RBFOX1: variants seen among roughly 807,000 people sequenced by gnomAD.
The protein encoded by RBFOX1 is RNA binding fox-1 homolog 1, also known as RNA binding protein fox-1 homolog 1.
In RBFOX1, 8 loss-of-function variants were observed where a neutral mutation model predicts 57.7. The observed-to-expected ratio is 0.14, with a 90% CI of 0.08 to 0.25. RBFOX1 has a LOEUF of 0.25. RBFOX1 is among the 10% of genes least tolerant of loss of function. The pLI is 1.00. For synonymous variants in RBFOX1, 326 were observed against 222.4 expected (o/e 1.47, Z -4.15); for missense variants, 611 against 548.5 (o/e 1.11, Z -1.14).
At chr16:5,856,665 C>T (rs1326714830) in intron 3 of RBFOX1, among the ~76,000 whole-genome samples, 1 of 145,110 alleles carries the variant, frequency 6.9e-6, no homozygotes, top group Non-Finnish European at 1.5e-5. Context: ...CTTCACCTTG[C>T]ATTTTTATGT....
intron 2 of RBFOX1, among the ~76,000 whole-genome samples, chr16:6,640,088 A>G (rs1401520521): frequency 6.6e-6 from 1 of 152,128 alleles, no homozygotes; most frequent in East Asian, 1.9e-4. Flanking sequence ...ATAAATATTA[A>G]GTGGTAGAGT....
intron 4 of RBFOX1, among the ~76,000 whole-genome samples, chr16:7,373,819 A>G (rs1421126878): frequency 6.6e-6 from 1 of 152,170 alleles, no homozygotes; most frequent in African/African-American, 2.4e-5. Context: ...AACTTTTTTC[A>G]AGAAGATGGA....
At chr16:7,133,202 G>T (rs1217217373) in intron 4 of RBFOX1, among the ~76,000 whole-genome samples, 1 of 152,134 alleles carries the variant, frequency 6.6e-6, no homozygotes, top group African/African-American at 2.4e-5. Context: ...AAGAGGGAAA[G>T]AGAAAACATA....
chr16:5,986,612 T>C (rs1019984244), intron 4 of RBFOX1, among the ~76,000 whole-genome samples: 2 of 152,342 alleles, frequency 1.3e-5, no homozygotes, highest in African/African-American at 4.8e-5. Context: ...ATTCCTAAAA[T>C]GTTATATACA....
chr16:5,831,774 T>A (rs1438343050), intron 3 of RBFOX1, among the ~76,000 whole-genome samples: 1 of 152,098 alleles, frequency 6.6e-6, no homozygotes, highest in African/African-American at 2.4e-5. Flanking sequence ...TGTCAAGTAT[T>A]CCTTTTTAGC....
chr16:5,811,862 G>A (rs1266630298), intron 3 of RBFOX1, among the ~76,000 whole-genome samples: 2 of 152,136 alleles, frequency 1.3e-5, no homozygotes, highest in Non-Finnish European at 2.9e-5. Context: ...AGTCATGTAG[G>A]CGTTACCACA....
chr16:6,858,814 C>T (rs1245905851), intron 3 of RBFOX1, among the ~76,000 whole-genome samples: 4 of 152,000 alleles, frequency 2.6e-5, no homozygotes, highest in African/African-American at 9.7e-5. Context: ...GCATTCGCCT[C>T]TGCTGGTTAG....
At chr16:6,626,665 C>A (rs567030665) in intron 2 of RBFOX1, among the ~76,000 whole-genome samples, 40 of 152,152 alleles carry the variant, frequency 2.6e-4, no homozygotes, top group African/African-American at 9.4e-4. Context: ...GAGGCTGAGG[C>A]AGGAGAATTG....
At chr16:7,667,339 A>C (rs1477205683) in intron 13 of RBFOX1, among the ~76,000 whole-genome samples, 2 of 152,226 alleles carry the variant, frequency 1.3e-5, no homozygotes, top group Non-Finnish European at 2.9e-5. Context: ...AGTTTAAGAA[A>C]TATAAATATG....
chr16:6,972,747 G>C, intron 3 of RBFOX1, among the ~76,000 whole-genome samples: 1 of 152,076 alleles, frequency 6.6e-6, no homozygotes, highest in East Asian at 1.9e-4. Context: ...GAGACTCCAG[G>C]GGAAACACAA....
At chr16:6,170,149 C>G (rs965570790) in intron 1 of RBFOX1, among the ~76,000 whole-genome samples, 5 of 152,134 alleles carry the variant, frequency 3.3e-5, no homozygotes, top group African/African-American at 1.2e-4. Flanking sequence ...TGCTTTAACA[C>G]AGCTGAATTA....
intron 2 of RBFOX1, among the ~76,000 whole-genome samples, chr16:6,325,993 C>G (rs994659979): frequency 6.6e-6 from 1 of 152,160 alleles, no homozygotes; most frequent in Non-Finnish European, 1.5e-5. Flanking sequence ...AAGGGATGTC[C>G]TCTCCCACTG....
rs1202068255 is a variant in RBFOX1, at chr16:6,256,247, G to GTATATATATATGTGTATATATATGTA, written c.-126-60739_-126-60738insATGTGTATATATATGTATATATATAT. On this transcript the variant is annotated intron_variant, in intron 1 of 15. Coordinates refer to ENST00000550418, the MANE Select transcript of RBFOX1 (RefSeq NM_018723.4). ...TATATATATATGTGTATATATATATGTATATATATGTGTATATATATATGT... is the reference window on the plus strand; with the variant it reads ...TATATATATATGTGTATATATATATGTATATATATATGTGTATATATATGTATATATATATGTGTATATATATATGT... Among the ~76,000 whole-genome samples the GTATATATATATGTGTATATATATGTA allele has an allele frequency of 7.7e-5, 6 of 78,348 alleles. 1 individual carries two copies. The highest frequency in any genetic ancestry group is 3.5e-4 in the African/African-American group (6 of 17,334). 51.4% of individuals were successfully genotyped at this position (78,348 alleles called of 152,430 possible).
chr16:5,982,616 T>A (rs768015116), intron 4 of RBFOX1, among the ~76,000 whole-genome samples: 1 of 152,196 alleles, frequency 6.6e-6, no homozygotes, highest in Non-Finnish European at 1.5e-5. Context: ...CCTAGAATGC[T>A]CATCCATATG....
intron 4 of RBFOX1, among the ~76,000 whole-genome samples, chr16:7,180,397 C>G (rs982331559): frequency 3.3e-5 from 5 of 152,116 alleles, no homozygotes; most frequent in African/African-American, 1.2e-4. Flanking sequence ...AGTCTGACTC[C>G]TAATCATGGG....
At chr16:7,565,421 G>C (rs984557892) in intron 5 of RBFOX1, among the ~76,000 whole-genome samples, 3 of 152,134 alleles carry the variant, frequency 2.0e-5, no homozygotes, top group African/African-American at 7.2e-5. Flanking sequence ...GCAGAGCTCT[G>C]CGATATTATT....
rs556447731 is a variant in RBFOX1, at chr16:7,001,312, C to A, written c.-15-50745C>A. Among the ~76,000 whole-genome samples the A allele has an allele frequency of 5.9e-5, 9 of 152,004 alleles. No homozygotes were observed. The East Asian group carries it at 1.7e-3, about 29-fold the overall frequency. ...TGTGAGGTGACAAGGTGTTCCTGGT[C>A]AACTTATGTATTTCCTACCCTGGCC... is the stretch of plus-strand genomic sequence containing the variant. On this transcript the variant is annotated intron_variant, in intron 3 of 15. Transcript: ENST00000550418.
intron 2 of RBFOX1, among the ~76,000 whole-genome samples, chr16:6,430,655 G>A (rs2094053147): frequency 6.6e-6 from 1 of 152,118 alleles, no homozygotes; most frequent in Non-Finnish European, 1.5e-5. Context: ...CCAGATGGGG[G>A]AGCGGGATGG....
chr16:6,088,347 A>G (rs1184789417), intron 1 of RBFOX1, among the ~76,000 whole-genome samples: 1 of 152,180 alleles, frequency 6.6e-6, no homozygotes, highest in Non-Finnish European at 1.5e-5. Flanking sequence ...ATTGCCAGAG[A>G]AGTATGATTA....
Sources: gnomAD v4.1 joint callset for allele counts (sites outside exome capture counted in the v4.1 genomes callset) on GRCh38, gnomAD v4.1.1 for gene constraint, MANE v1.5 for transcripts, NCBI Gene and HGNC (gene_info 2026-07-23, HGNC 2026-07-21) for gene names.